The following EML1 variants were observed in gnomAD, a reference collection of about 807,000 sequenced individuals.
EML1 encodes the protein EMAP like 1.
In EML1, 27 loss-of-function variants were observed where a neutral mutation model predicts 110.4. That is an observed-to-expected ratio of 0.24 (90% CI 0.18 to 0.34). EML1 has a LOEUF of 0.34. EML1 is among the 10% of genes least tolerant of loss of function. The pLI is 1.00. For missense variants in EML1, 741 were observed against 1,030.9 expected, an observed-to-expected ratio of 0.72 and a Z score of 3.85; for synonymous variants, 344 against 385.8, an observed-to-expected ratio of 0.89 and a Z score of 1.27.
At position 99,851,017 on chromosome 14, in the gene EML1, A is replaced by G. The variant is rs775475932; in HGVS notation, c.232A>G (p.Arg78Gly). 4.3e-6 allele frequency: 7 copies of G among 1,613,284 alleles called. No homozygotes were observed. Among genetic ancestry groups the G allele is most frequent in the Non-Finnish European group, 4.2e-6 (5 of 1,179,436 alleles). ...ITEEQQAVLN[R>G]KGPTKARPLM... ...TGAGGAACAGCAGGCCGTGCTTAAC[A>G]GGAAAGGACCTACCAAAGGTGGGCG... Residue 78 changes from arginine (R) to glycine (G), a missense_variant, in exon 2 of 22, where the codon AGG becomes GGG. Transcript: ENST00000262233.
At chr14:99,912,174 C>T (rs2059957859) in intron 13 of EML1, among the ~76,000 whole-genome samples, 1 of 152,146 alleles carries the variant, frequency 6.6e-6, no homozygotes, top group Admixed American at 6.5e-5. Context: ...AGCCACCACG[C>T]CCAGCCTCTT....
intron 1 of EML1, among the ~76,000 whole-genome samples, chr14:99,765,564 T>C (rs902141557): frequency 6.6e-5 from 10 of 152,156 alleles, no homozygotes; most frequent in African/African-American, 2.4e-4. Flanking sequence ...TTTCTTCCTT[T>C]AAAGTTAAAA....
chr14:99,915,023 T>C, intron 15 of EML1: 1 of 352,624 alleles, frequency 2.8e-6, no homozygotes, highest in Non-Finnish European at 5.2e-6. Context: ...CTGCATTCTA[T>C]TTACAGTGTA....
intron 3 of EML1, among the ~76,000 whole-genome samples, chr14:99,866,121 A>G (rs1489252450): frequency 1.3e-5 from 2 of 152,196 alleles, no homozygotes; most frequent in African/African-American, 4.8e-5. Flanking sequence ...TAACTTTGCT[A>G]TTATTTTGTA....
intron 1 of EML1, among the ~76,000 whole-genome samples, chr14:99,779,704 G>A (rs2057519607): frequency 6.6e-6 from 1 of 152,216 alleles, no homozygotes; most frequent in African/African-American, 2.4e-5. Context: ...GGCTGCCAAT[G>A]TTCTGAGAGC....
intron 1 of EML1, among the ~76,000 whole-genome samples, chr14:99,797,764 C>G (rs1190780706): frequency 2.6e-5 from 4 of 152,192 alleles, no homozygotes; most frequent in African/African-American, 9.7e-5. Context: ...ACGGACCTGG[C>G]AAGTAATCTC....
Position 99,941,492 on chromosome 14 carries a change from A to G in EML1, c.*1380A>G, listed in dbSNP as rs1312512662. 1.3e-5 allele frequency: 2 copies of G among 152,252 alleles called. No homozygotes were observed. The highest frequency in any genetic ancestry group is 4.8e-5 in the African/African-American group (2 of 41,470). 9.4% of individuals were successfully genotyped at this position (152,252 alleles called of 1,614,324 possible). A position where few individuals can be genotyped will look rare whatever the true frequency, so the allele number is the denominator to read the frequency against. On this transcript the variant is annotated 3_prime_UTR_variant, in exon 22 of 22. Coordinates refer to ENST00000262233, the MANE Select transcript of EML1 (RefSeq NM_004434.3). ...ATTGAAGATGAATCTGTTTGTATGT[A>G]TCCTTGTCAAATATATTCTATAATG...
chr14:99,765,396 C>A (rs1447880618), intron 1 of EML1, among the ~76,000 whole-genome samples: 4 of 152,164 alleles, frequency 2.6e-5, no homozygotes, highest in Non-Finnish European at 4.4e-5. Context: ...CCACGCCAGG[C>A]CCCTGGCTAC....
chr14:99,836,046 C>T (rs1020175001), intron 1 of EML1, among the ~76,000 whole-genome samples: 1 of 111,050 alleles, frequency 9.0e-6, no homozygotes, highest in African/African-American at 3.5e-5. Context: ...ACTTTAAATT[C>T]ACTTTGTTGA....
chr14:99,898,058 G>T (rs1325489625), intron 7 of EML1, among the ~76,000 whole-genome samples, 175 bp from the exon 8 acceptor site: 1 of 152,176 alleles, frequency 6.6e-6, no homozygotes, highest in Non-Finnish European at 1.5e-5. Context: ...AAGATGAAAT[G>T]AATTAGGTAC....
chr14:99,789,975 T>C (rs2057645517), upstream of EML1, among the ~76,000 whole-genome samples: 2 of 152,234 alleles, frequency 1.3e-5, no homozygotes, highest in Non-Finnish European at 2.9e-5. Flanking sequence ...CAAAGATCTT[T>C]TTTAATGCTG....
At chr14:99,870,345 G>T (rs1435975438) in intron 3 of EML1, among the ~76,000 whole-genome samples, 1 of 152,212 alleles carries the variant, frequency 6.6e-6, no homozygotes, top group African/African-American at 2.4e-5. Flanking sequence ...TGGCTCATGA[G>T]GTTTAAGGGA....
chr14:99,867,651 G>T (rs1327745596), intron 3 of EML1, among the ~76,000 whole-genome samples: 1 of 143,260 alleles, frequency 7.0e-6, no homozygotes, highest in African/African-American at 2.7e-5. Flanking sequence ...AAATGCATCT[G>T]ATTTTTGTGT....
chr14:99,853,711 C>G (rs1397384070), intron 2 of EML1, among the ~76,000 whole-genome samples: 1 of 152,146 alleles, frequency 6.6e-6, no homozygotes, highest in Non-Finnish European at 1.5e-5. Context: ...GCTGTGTCAC[C>G]CAAGCTGGAG....
intron 1 of EML1, among the ~76,000 whole-genome samples, chr14:99,830,512 T>G (rs2058431585): frequency 6.7e-6 from 1 of 149,030 alleles, no homozygotes; most frequent in Non-Finnish European, 1.5e-5. Context: ...CTTTCTTGGC[T>G]TTTTTTGCAC....
At chr14:99,854,631 A>G (rs1480450958) in intron 2 of EML1, among the ~76,000 whole-genome samples, 1 of 151,944 alleles carries the variant, frequency 6.6e-6, no homozygotes, top group Non-Finnish European at 1.5e-5. Flanking sequence ...TTCCTTTGAT[A>G]TTTTTTAAAA....
intron 1 of EML1, among the ~76,000 whole-genome samples, chr14:99,803,504 C>G (rs570686198): frequency 6.6e-6 from 1 of 152,242 alleles, no homozygotes; most frequent in South Asian, 2.1e-4. Flanking sequence ...TTGGTAGAAC[C>G]CAGAAACATA....
chr14:99,939,464 G>T lies in EML1; in HGVS notation c.2322+137G>T, dbSNP rs371858919. On this transcript the variant is annotated intron_variant, in intron 21 of 21. Coordinates refer to ENST00000262233, the MANE Select transcript of EML1 (RefSeq NM_004434.3). The surrounding 1 kb of genome is among the most constrained non-coding windows in gnomAD (Gnocchi z 4.2). ...AGGCAGATGTGACTCTGTTCTTTGC[G>T]CCCTGAGCACTTCCAGCCGCCCTTA... 3.6e-6 allele frequency: 5 copies of T among 1,396,314 alleles called. No individual in the cohort carries two copies. The highest frequency in any genetic ancestry group is 4.8e-5 in the East Asian group (2 of 42,008). 86.5% of individuals were successfully genotyped at this position (1,396,314 alleles called of 1,614,324 possible).
At chr14:99,782,726 A>G (rs1031507153) in intron 1 of EML1, among the ~76,000 whole-genome samples, 17 of 152,120 alleles carry the variant, frequency 1.1e-4, no homozygotes, top group African/African-American at 3.9e-4. Context: ...CGGACCCCCC[A>G]TTAATTAGGA....
Sources: gnomAD v4.1 joint callset for allele counts (sites outside exome capture counted in the v4.1 genomes callset) on GRCh38, gnomAD v4.1.1 for gene constraint, Gnocchi (gnomAD v3.1) non-coding constraint, MANE v1.5 for transcripts, NCBI Gene and HGNC (gene_info 2026-07-23, HGNC 2026-07-21) for gene names.